Variants in OLFML2A observed in about 807,000 individuals in gnomAD.
OLFML2A encodes olfactomedin-like protein 2A.
In OLFML2A, 47 loss-of-function variants were observed where a neutral mutation model predicts 60.9. The observed-to-expected ratio is 0.77, with a 90% confidence interval of 0.61 to 0.98. The LOEUF (loss-of-function observed/expected upper bound fraction) is 0.98. OLFML2A is among the 50% of genes least tolerant of loss of function. OLFML2A has a pLI of 0.00. For synonymous variants in OLFML2A, 372 were observed against 375.0 expected (o/e 0.99, Z 0.09); for missense variants, 922 against 879.8 (o/e 1.05, Z -0.61).
intron 6 of OLFML2A, among the ~76,000 whole-genome samples, chr9:124,806,923 A>AT (rs958156033): frequency 8.6e-5 from 13 of 150,490 alleles, no homozygotes; most frequent in South Asian, 6.3e-4. Context: ...TTATTTATTT[A>AT]TTTTTTTTGA....
intron 5 of OLFML2A, among the ~76,000 whole-genome samples, chr9:124,803,456 G>T (rs1025666454): frequency 6.6e-6 from 1 of 151,928 alleles, no homozygotes; most frequent in East Asian, 1.9e-4. Flanking sequence ...GTAGAGACAG[G>T]GTTTTGCCAT....
Position 124,795,124 on chromosome 9 carries a change from T to C in OLFML2A, c.455T>C (p.Leu152Pro). Reference sequence around the variant, plus strand: ...AAGGTGGCCTCCCAGATGAACACACTGGAAGAGGTAAGGGCGGGGCTGCCG... The same window carrying C: ...AAGGTGGCCTCCCAGATGAACACACCGGAAGAGGTAAGGGCGGGGCTGCCG... ...VHKVASQMNT[L>P]EESIKANLSR... The change falls in exon 3 of 8, where the codon CTG becomes CCG. Residue 152 changes from leucine to proline, a missense_variant. Physicochemically the swap from Leu to Pro is moderately conservative, Grantham distance 98. Coordinates refer to ENST00000373580, the MANE Select transcript of OLFML2A (RefSeq NM_182487.4). 6.3e-7 allele frequency: 1 copy of C among 1,589,124 alleles called. No individual in the cohort carries two copies. Among genetic ancestry groups the C allele is most frequent in the Non-Finnish European group, 8.6e-7 (1 of 1,161,858 alleles).
At position 124,801,446 on chromosome 9, in the gene OLFML2A, C is replaced by T. The variant is rs757427547; in HGVS notation, c.702C>T (p.Ser234=). The T allele has an allele frequency of 2.1e-5, 34 of 1,613,984 alleles. No homozygotes were observed. Among genetic ancestry groups the T allele is most frequent in the Non-Finnish European group, 2.7e-5 (32 of 1,179,996 alleles). The change falls in exon 5 of 8, where the codon AGC becomes AGT. Residue 234 remains serine, a synonymous_variant. Coordinates refer to ENST00000373580, the MANE Select transcript of OLFML2A (RefSeq NM_182487.4). ...DTARGKGKDI[S]KYGSVQKSFA... Reference sequence around the variant, plus strand: ...CTAGAGGAAAAGGCAAGGACATCAGCAAGTATGGCAGTGTGCAGAAAAGCT... The same window carrying T: ...CTAGAGGAAAAGGCAAGGACATCAGTAAGTATGGCAGTGTGCAGAAAAGCT...
At chr9:124,796,759 C>T (rs10122154) in intron 3 of OLFML2A, among the ~76,000 whole-genome samples, 95,384 of 151,972 alleles carry the variant, frequency 0.63, 31,552 homozygotes, top group African/African-American at 0.84. Context: ...CCAGGGGTGA[C>T]TTTGCCCCCA....
chr9:124,783,285 A>G (rs533936053), intron 1 of OLFML2A, among the ~76,000 whole-genome samples: 2 of 152,218 alleles, frequency 1.3e-5, no homozygotes, highest in East Asian at 1.9e-4. Flanking sequence ...CAGCCTGGCC[A>G]ACATGGTGAA....
intron 1 of OLFML2A, among the ~76,000 whole-genome samples, chr9:124,782,135 AG>A (rs1227600420): frequency 1.3e-5 from 2 of 152,204 alleles, no homozygotes; most frequent in African/African-American, 4.8e-5. Context: ...TATGCCCCCC[AG>A]GGCCCCCTCT....
rs371713893 is a variant in OLFML2A at position 124,784,762 on chromosome 9, A to G, written c.91-2213A>G. Among the ~76,000 whole-genome samples the G allele has an allele frequency of 7.2e-5, 11 of 152,096 alleles. No individual in the cohort carries two copies. The East Asian group carries it at 2.1e-3, about 29-fold the overall frequency. On this transcript the variant is annotated intron_variant, in intron 1 of 7. Transcript: ENST00000373580. ...CCACTCCCCATTTCCGTCTCTCTCTAACTCCTGGAAGCCACTAATCTGTTT... is the reference window on the plus strand; with the variant it reads ...CCACTCCCCATTTCCGTCTCTCTCTGACTCCTGGAAGCCACTAATCTGTTT...
At position 124,804,109 on chromosome 9, in the gene OLFML2A, G is replaced by A; in HGVS notation, c.935G>A (p.Gly312Asp). Residue 312 changes from glycine (G) to aspartate (D), a missense_variant, in exon 6 of 8, where the codon GGC becomes GAC. Physicochemically the swap from Gly to Asp is moderately conservative, Grantham distance 94. Coordinates refer to ENST00000373580, the MANE Select transcript of OLFML2A (RefSeq NM_182487.4). ...CTCTCTGCAGACAACACCCTCCAGGGCACTTCCTGGCTGGAGCAACTGCCG... is the reference window on the plus strand; with the variant it reads ...CTCTCTGCAGACAACACCCTCCAGGACACTTCCTGGCTGGAGCAACTGCCG... Reference protein sequence around the residue: ...TEAVADNTLQGTSWLEQLPPK... With the variant: ...TEAVADNTLQDTSWLEQLPPK... 1 of 1,614,104 alleles carries A rather than the reference G, an allele frequency of 6.2e-7. No individual in the cohort carries two copies.
At chr9:124,795,181 C>G (rs1282253782) in intron 3 of OLFML2A, 50 bp downstream of exon 3, 2 of 1,181,102 alleles carry the variant, frequency 1.7e-6, no homozygotes, top group Admixed American at 2.0e-5. Flanking sequence ...TGCTGGGGGC[C>G]AAGGGCACTG....
At chr9:124,784,434 C>T (rs924591528) in intron 1 of OLFML2A, among the ~76,000 whole-genome samples, 1 of 152,080 alleles carries the variant, frequency 6.6e-6, no homozygotes, top group African/African-American at 2.4e-5. Flanking sequence ...GAACTCTTGA[C>T]CTCATGATCC....
chr9:124,786,737 C>T (rs1841479086), intron 1 of OLFML2A, among the ~76,000 whole-genome samples: 1 of 137,048 alleles, frequency 7.3e-6, no homozygotes, highest in Admixed American at 7.7e-5. Context: ...AAAAAATACA[C>T]GCAGAGACGT....
chr9:124,803,033 C>T (rs1044372052), intron 5 of OLFML2A, among the ~76,000 whole-genome samples: 24 of 152,128 alleles, frequency 1.6e-4, no homozygotes, highest in African/African-American at 5.3e-4. Context: ...CTCAGCCTCC[C>T]AAGTAGCTGG....
intron 1 of OLFML2A, among the ~76,000 whole-genome samples, chr9:124,781,792 CAA>C (rs1262915024): frequency 2.3e-4 from 21 of 92,544 alleles, no homozygotes; most frequent in Admixed American, 2.3e-4. Context: ...AGAATCCGGC[CAA>C]AAAAAAAAAA....
chr9:124,803,242 C>CCCTT (rs377621406), intron 5 of OLFML2A, among the ~76,000 whole-genome samples: 102 of 150,846 alleles, frequency 6.8e-4, no homozygotes, highest in African/African-American at 2.3e-3. Context: ...TTTCCCTAAA[C>CCCTT]CCTTCCTTCC....
At chr9:124,807,122 C>T (rs1190566152) in intron 6 of OLFML2A, among the ~76,000 whole-genome samples, 2 of 148,866 alleles carry the variant, frequency 1.3e-5, no homozygotes, top group Admixed American at 1.3e-4. Flanking sequence ...GAAGGTCTTG[C>T]TATGTTGCCC....
chr9:124,786,986 C>A lies in OLFML2A; in HGVS notation c.102C>A (p.Asp34Glu), dbSNP rs758182382. Residue 34 changes from aspartate to glutamate, a missense_variant, in exon 2 of 8, where the codon GAC becomes GAA. By Grantham distance (45) the Asp-to-Glu change is conservative. Transcript: ENST00000373580. The stretch of plus-strand genomic sequence containing the variant: ...GCCCCCCGCAACAGGTGTTTGGGGA[C>A]CTGGACCAGGTGAGGATGACCTCGG... ...PTRADSKVFGDLDQVRMTSEG... is the reference protein window; with the variant it reads ...PTRADSKVFGELDQVRMTSEG... 5 of 1,610,914 alleles carry A rather than the reference C, an allele frequency of 3.1e-6. No individual in the cohort carries two copies. In the South Asian group the frequency reaches 5.5e-5, roughly 18 times the overall value.
intron 5 of OLFML2A, among the ~76,000 whole-genome samples, chr9:124,803,708 A>G (rs1221057007): frequency 6.6e-6 from 1 of 152,242 alleles, no homozygotes; most frequent in Non-Finnish European, 1.5e-5. Context: ...AACTGGTACA[A>G]AGTGCTTGAT....
chr9:124,787,294 T>C, intron 2 of OLFML2A, 56 bp downstream of exon 2: 1 of 1,539,590 alleles, frequency 6.5e-7, no homozygotes, highest in Non-Finnish European at 8.9e-7. Flanking sequence ...TGGAGCCTGC[T>C]GTCCTGCCAG....
At chr9:124,801,989 C>T (rs1255056623) in intron 5 of OLFML2A, among the ~76,000 whole-genome samples, 1 of 152,176 alleles carries the variant, frequency 6.6e-6, no homozygotes, top group Non-Finnish European at 1.5e-5. Flanking sequence ...GACACAGTCC[C>T]TGTCCCCACA....
Sources: gnomAD v4.1 joint callset for allele counts (sites outside exome capture counted in the v4.1 genomes callset) on GRCh38, gnomAD v4.1.1 for gene constraint, MANE v1.5 for transcripts, NCBI Gene and HGNC (gene_info 2026-07-23, HGNC 2026-07-21) for gene names.